The following DCTN1 variants were observed in gnomAD, a reference collection of about 807,000 sequenced individuals.
DCTN1 encodes the protein 150 kDa dynein-associated polypeptide.
DCTN1 carries 61 observed loss-of-function variants against 161.2 expected under a neutral mutation model. That is an observed-to-expected ratio of 0.38 (90% CI 0.31 to 0.47). The LOEUF is 0.47. Ranked by LOEUF, DCTN1 falls within the 20% of genes least tolerant of loss-of-function variation. The pLI, the probability that DCTN1 is intolerant of heterozygous loss-of-function variation, is 0.99. For missense variants in DCTN1, 1,404 were observed against 1,623.7 expected (o/e 0.86, Z 2.33); for synonymous variants, 653 against 632.4 (o/e 1.03, Z -0.49).
chr2:74,367,203 T>C, intron 19 of DCTN1, 96 bp from the exon 20 acceptor site: 3 of 1,548,902 alleles, frequency 1.9e-6, no homozygotes, highest in South Asian at 1.1e-5. Context: ...CTGACCCCCA[T>C]ACATAAGTAG....
At chr2:74,364,045 C>G (rs78143906) in intron 26 of DCTN1, 16 of 262,554 alleles carry the variant, frequency 6.1e-5, no homozygotes, top group Admixed American at 1.4e-4. Flanking sequence ...CAAACACACT[C>G]CCTTGCTCCT....
intron 3 of DCTN1, 69 bp from the exon 4 acceptor site, chr2:74,377,535 T>C: frequency 6.5e-7 from 1 of 1,536,442 alleles, no homozygotes; most frequent in South Asian, 1.1e-5. Context: ...AATAAGGGAA[T>C]ATGGTAGTGA....
upstream of DCTN1, chr2:74,380,458 G>A: frequency 2.1e-6 from 1 of 480,408 alleles, no homozygotes; most frequent in Non-Finnish European, 4.3e-6. Flanking sequence ...CCTAGGGCTG[G>A]AAGCAGTCTT....
chr2:74,383,057 G>A (rs1163480591), upstream of DCTN1, among the ~76,000 whole-genome samples: 5 of 151,284 alleles, frequency 3.3e-5, no homozygotes, highest in Middle Eastern at 3.4e-3. Context: ...AGTCCCGCCT[G>A]GGCGACAGAG....
rs115689748 is a variant in DCTN1 at position 74,362,665 on chromosome 2, G to A, written c.3594C>T (p.Thr1198=). 673 of 1,613,874 alleles carry A rather than the reference G, an allele frequency of 4.2e-4. 7 individuals are homozygous for A. In the African/African-American group the frequency reaches 7.7e-3, roughly 18 times the overall value. The change falls in exon 30 of 32, where the codon ACC becomes ACT. Residue 1198 remains threonine (T), a synonymous_variant. Transcript: ENST00000628224. ...CTGAGCTGACCTTGAGCTTCTCGAC[G>A]GTGTCACTCAGGGACTTAAGCTGAG... ...QVAQLKSLSD[T]VEKLKDEVLK...
At chr2:74,371,321 G>C in intron 8 of DCTN1, 145 bp from the exon 9 acceptor site, 1 of 1,560,190 alleles carries the variant, frequency 6.4e-7, no homozygotes, top group Non-Finnish European at 8.7e-7. Context: ...ACATCTGAGA[G>C]GAAACCGTAG....
chr2:74,379,866 G>T, intron 1 of DCTN1, 139 bp downstream of exon 1: 1 of 870,950 alleles, frequency 1.1e-6, no homozygotes, highest in Non-Finnish European at 1.9e-6. Flanking sequence ...AGGGCTTCGA[G>T]GGCTCCTTAG....
chr2:74,370,443 G>C lies in DCTN1; in HGVS notation c.1127+23C>G. 1 of 1,614,198 alleles carries C rather than the reference G, an allele frequency of 6.2e-7. No individual in the cohort carries two copies. Among genetic ancestry groups the C allele is most frequent in the East Asian group, 2.2e-5 (1 of 44,886 alleles). On this transcript the variant is annotated intron_variant, in intron 11 of 31. Coordinates refer to ENST00000628224, the MANE Select transcript of DCTN1 (RefSeq NM_004082.5). The surrounding 1 kb of genome is among the most constrained non-coding windows in gnomAD (Gnocchi z 4.4). ...TTTGGAGACACAAGAGTAAGCATCA[G>C]AGGCAAGCACTGAAGACCCTACCTC...
chr2:74,367,264 T>G (rs1475214425), intron 19 of DCTN1, 88 bp downstream of exon 19: 6 of 1,562,758 alleles, frequency 3.8e-6, no homozygotes, highest in Non-Finnish European at 5.3e-6. Context: ...TAGTCTTATG[T>G]GACACTTCTT....
rs1675104256 is a variant in DCTN1 at position 74,374,504 on chromosome 2, A to G, written c.415-164T>C. The G allele has an allele frequency of 2.7e-6, 4 of 1,480,884 alleles. No individual in the cohort carries two copies. The Admixed American group carries it at 8.2e-5, about 30-fold the overall frequency. The allele number at this position is 1,480,884 out of a possible 1,614,324, so 91.7% of individuals were successfully genotyped here. Reference sequence around the variant, plus strand: ...CAGGAGATTAGTGCATCAAATCCCAACAATGCAGTCTCAGCCTCCCGGTGC... The same window carrying G: ...CAGGAGATTAGTGCATCAAATCCCAGCAATGCAGTCTCAGCCTCCCGGTGC... On this transcript the variant is annotated intron_variant, in intron 5 of 31. Transcript: ENST00000628224.
At chr2:74,381,632 T>TA (rs1447070761), upstream of DCTN1, among the ~76,000 whole-genome samples, 1 of 152,060 alleles carries the variant, frequency 6.6e-6, no homozygotes, top group East Asian at 1.9e-4. Context: ...TAGGACACCT[T>TA]AAAAAAAGAC....
chr2:74,379,932 A>G lies in DCTN1; in HGVS notation c.33+73T>C. On this transcript the variant is annotated intron_variant, in intron 1 of 31. Transcript: ENST00000628224. ...TCCAGCCTATCTCCCCAGCCCCCACAGCAATGATGTCCACAGGCAGCCAGG... is the reference window on the plus strand; with the variant it reads ...TCCAGCCTATCTCCCCAGCCCCCACGGCAATGATGTCCACAGGCAGCCAGG... 9.4e-6 allele frequency: 14 copies of G among 1,490,086 alleles called. No individual in the cohort carries two copies. The South Asian group carries it at 1.6e-4, about 17-fold the overall frequency. The allele number at this position is 1,490,086 out of a possible 1,614,324, so 92.3% of individuals were successfully genotyped here.
chr2:74,381,371 AC>A (rs1166293536), upstream of DCTN1, among the ~76,000 whole-genome samples: 1 of 152,058 alleles, frequency 6.6e-6, no homozygotes, highest in Non-Finnish European at 1.5e-5. Context: ...CAGTGACTTT[AC>A]CCCGCTCTAC....
At chr2:74,380,684 G>C (rs533319833), upstream of DCTN1, 4 of 413,974 alleles carry the variant, frequency 9.7e-6, no homozygotes, top group East Asian at 2.9e-4. Context: ...CCAAATTCAT[G>C]TGAGTAGGGC....
Position 74,363,639 on chromosome 2 carries a change from G to C in DCTN1, c.3197-11C>G, listed in dbSNP as rs374292466. ...CTCGCTGCTGTTCTTCTGTGCTCGG[G>C]ATAGCCCATGGGGGAGCAGGAAAAG... On this transcript the variant is annotated splice_polypyrimidine_tract_variant and intron_variant, in intron 26 of 31. Coordinates refer to ENST00000628224, the MANE Select transcript of DCTN1 (RefSeq NM_004082.5). 6 of 1,613,622 alleles carry C rather than the reference G, an allele frequency of 3.7e-6. No individual in the cohort carries two copies. The highest frequency in any genetic ancestry group is 1.3e-5 in the African/African-American group (1 of 75,044).
intron 6 of DCTN1, 140 bp downstream of exon 6, chr2:74,374,183 T>A: frequency 1.2e-6 from 1 of 850,454 alleles, no homozygotes; most frequent in South Asian, 1.4e-5. Flanking sequence ...CACACACCTC[T>A]CCCTAACCCA....
chr2:74,377,420 C>T lies in DCTN1; in HGVS notation c.393+12G>A. 6.2e-7 allele frequency: 1 copy of T among 1,612,244 alleles called. No homozygotes were observed. The highest frequency in any genetic ancestry group is 8.5e-7 in the Non-Finnish European group (1 of 1,178,244). The stretch of plus-strand genomic sequence containing the variant: ...CTTTATTATTCCCCATTCCCACCCC[C>T]AAATCACTCACCAGTTTGCTAGTCT... On this transcript the variant is annotated intron_variant, in intron 4 of 31. Coordinates refer to ENST00000628224, the MANE Select transcript of DCTN1 (RefSeq NM_004082.5).
chr2:74,362,081 C>T lies in DCTN1; in HGVS notation c.3670G>A (p.Ala1224Thr), dbSNP rs769973512. 1 of 1,613,794 alleles carries T rather than the reference C, an allele frequency of 6.2e-7. No individual in the cohort carries two copies. The highest frequency in any genetic ancestry group is 8.5e-7 in the Non-Finnish European group (1 of 1,179,828). ...AGGAAGGCTGATGAAGGGAAGGTGG[C>T]AAAGTCAGTGGGTACTGTGGCTCCA... ...RPGATVPTDF[A>T]TFPSSAFLRA... Residue 1224 changes from alanine to threonine, a missense_variant, in exon 31 of 32, where the codon GCC (alanine) becomes ACC (threonine). Around this residue, in one of 9 missense-constraint regions of DCTN1, gnomAD observed 311 missense variants for 298.9 expected, o/e 1.04. Transcript: ENST00000628224.
chr2:74,361,300 G>A lies in DCTN1; in HGVS notation c.*199C>T. 1 of 779,610 alleles carries A rather than the reference G, an allele frequency of 1.3e-6. No individual in the cohort carries two copies. The highest frequency in any genetic ancestry group is 2.2e-6 in the Non-Finnish European group (1 of 460,014). 48.3% of individuals were successfully genotyped at this position (779,610 alleles called of 1,614,324 possible). On this transcript the variant is annotated 3_prime_UTR_variant, in exon 32 of 32. Transcript: ENST00000628224. Reference sequence around the variant, plus strand: ...GGGAGCAGTTGAACAACAAATTATGGCAGAGGCCAGGGAATGGGAGTGGGG... The same window carrying A: ...GGGAGCAGTTGAACAACAAATTATGACAGAGGCCAGGGAATGGGAGTGGGG...
Sources: allele counts gnomAD v4.1 joint callset (sites outside exome capture counted in the v4.1 genomes callset), GRCh38; gene constraint gnomAD v4.1.1; regional missense constraint gnomAD v4.1.1; non-coding constraint Gnocchi (gnomAD v3.1); transcripts MANE v1.5; gene names NCBI Gene and HGNC (gene_info 2026-07-23, HGNC 2026-07-21).